The following MYO3A variants were observed in gnomAD, a reference collection of about 807,000 sequenced individuals.
The protein encoded by MYO3A is myosin-IIIa.
In MYO3A, 180 loss-of-function variants were observed where a neutral mutation model predicts 192.7. The ratio of observed to expected loss-of-function variants is 0.93; its 90% confidence interval spans 0.83 to 1.06. The LOEUF (loss-of-function observed/expected upper bound fraction) is 1.06, where lower values mean the gene tolerates loss of function less well. Among genes scored for constraint, MYO3A ranks in the 50% least tolerant of loss-of-function variants. The probability of loss-of-function intolerance (pLI) is 0.00; values close to 1 mark genes in which losing one functional copy is unlikely to be tolerated. For synonymous variants in MYO3A, 628 were observed against 645.3 expected, an observed-to-expected ratio of 0.97 and a Z score of 0.41; for missense variants, 1,896 against 1,905.0, an observed-to-expected ratio of 1.00 and a Z score of 0.09.
At chr10:25,986,921 AG>A (rs1839688392) in intron 4 of MYO3A, among the ~76,000 whole-genome samples, 1 of 152,222 alleles carries the variant, frequency 6.6e-6, no homozygotes, top group Non-Finnish European at 1.5e-5. Flanking sequence ...CTAAGCAAAA[AG>A]AATAAATCTG....
chr10:25,961,481 T>G (rs1005760982), intron 4 of MYO3A, among the ~76,000 whole-genome samples: 3 of 152,110 alleles, frequency 2.0e-5, no homozygotes, highest in African/African-American at 7.2e-5. Flanking sequence ...AATGAATCAG[T>G]AGAGTCGCTA....
intron 20 of MYO3A, among the ~76,000 whole-genome samples, chr10:26,131,001 A>G (rs776163442): frequency 3.3e-5 from 5 of 152,242 alleles, no homozygotes; most frequent in Non-Finnish European, 7.3e-5. Context: ...TCCTTAGTTT[A>G]ATAGAGCCAT....
In MYO3A at chr10:26,143,512, T is replaced by TG. The variant is rs762948753; in HGVS notation, c.2327_2328insG (p.Asp777ArgfsTer15). ...GAATATGAGGATAACTGGCCCCTCT[T>TG]AGATATGTTTCTGCAAAAGCCAATG... On this transcript the variant is annotated frameshift_variant, in exon 21 of 35. Coordinates refer to ENST00000642920, the MANE Select transcript of MYO3A (RefSeq NM_017433.5). LOFTEE classifies it high-confidence loss of function. 6.2e-7 allele frequency: 1 copy of TG among 1,613,780 alleles called. No individual in the cohort carries two copies. The highest frequency in any genetic ancestry group is 8.5e-7 in the Non-Finnish European group (1 of 1,179,724).
intron 6 of MYO3A, among the ~76,000 whole-genome samples, chr10:26,013,322 AACG>A (rs1841790288): frequency 7.6e-6 from 1 of 132,196 alleles, no homozygotes; most frequent in Non-Finnish European, 1.8e-5. Flanking sequence ...ATAAATAATC[AACG>A]GAATAAACAG....
At chr10:26,017,364 T>G (rs958307208) in intron 7 of MYO3A, among the ~76,000 whole-genome samples, 1 of 152,230 alleles carries the variant, frequency 6.6e-6, no homozygotes, top group Non-Finnish European at 1.5e-5. Flanking sequence ...ATCATTACCT[T>G]TGGGAGGTTG....
In MYO3A at chr10:26,209,109, G is replaced by A. The variant is rs1258547019; in HGVS notation, c.4731-2734G>A. On this transcript the variant is annotated intron_variant, in intron 34 of 34. Transcript: ENST00000642920. ...CAGCTGACAACCTTCTTTTATAACA[G>A]TAGCAGATAACAGACACATGCTGAA... Among the ~76,000 whole-genome samples the A allele has an allele frequency of 2.6e-5, 4 of 152,130 alleles. No homozygotes were observed. In the South Asian group the frequency reaches 6.2e-4, roughly 24 times the overall value.
At chr10:26,119,743 G>GTGTC (rs1838736703) in intron 17 of MYO3A, among the ~76,000 whole-genome samples, 1 of 152,132 alleles carries the variant, frequency 6.6e-6, no homozygotes, top group African/African-American at 2.4e-5. Context: ...AATGCCTCCA[G>GTGTC]TGTCTCCAAA....
At chr10:26,211,753 G>C in intron 34 of MYO3A, 90 bp from the exon 35 acceptor site, 1 of 1,582,416 alleles carries the variant, frequency 6.3e-7, no homozygotes, top group Non-Finnish European at 8.6e-7. Flanking sequence ...CAGAACGTGG[G>C]AGGAAGAGGA....
intron 31 of MYO3A, among the ~76,000 whole-genome samples, chr10:26,182,237 T>A (rs934614604): frequency 2.6e-5 from 4 of 152,230 alleles, no homozygotes; most frequent in South Asian, 2.1e-4. Context: ...TGAATAATAT[T>A]ATTGCAACCT....
chr10:26,186,124 C>T (rs1842854179), intron 31 of MYO3A, among the ~76,000 whole-genome samples: 1 of 152,122 alleles, frequency 6.6e-6, no homozygotes, highest in Non-Finnish European at 1.5e-5. Flanking sequence ...TGGGACAAAT[C>T]CCCAGTGATG....
At chr10:26,094,826 C>T (rs766588497) in intron 15 of MYO3A, among the ~76,000 whole-genome samples, 61 of 152,148 alleles carry the variant, frequency 4.0e-4, no homozygotes, top group Non-Finnish European at 2.2e-4. Context: ...TTTTTAAATC[C>T]TTTCTTACCT....
intron 2 of MYO3A, among the ~76,000 whole-genome samples, chr10:25,937,650 T>C (rs1331092586): frequency 1.3e-5 from 2 of 152,230 alleles, no homozygotes; most frequent in Non-Finnish European, 2.9e-5. Flanking sequence ...TGGAGATTTT[T>C]TTTAAAGGAA....
chr10:26,034,761 G>A (rs952465075), intron 10 of MYO3A, among the ~76,000 whole-genome samples: 1 of 151,572 alleles, frequency 6.6e-6, no homozygotes, highest in Admixed American at 6.6e-5. Context: ...AAAGGATGAT[G>A]GATTTGCTTC....
chr10:25,963,670 T>C (rs1193513954), intron 4 of MYO3A, among the ~76,000 whole-genome samples: 1 of 152,168 alleles, frequency 6.6e-6, no homozygotes, highest in Non-Finnish European at 1.5e-5. Flanking sequence ...GTGTGATTCC[T>C]TTCATGTTCT....
intron 10 of MYO3A, among the ~76,000 whole-genome samples, chr10:26,054,125 T>C (rs1844178477): frequency 1.4e-5 from 2 of 148,128 alleles, no homozygotes; most frequent in African/African-American, 4.9e-5. Context: ...GATCAGATTA[T>C]AAGAGACCTT....
At chr10:25,959,545 G>A (rs1404742376) in intron 4 of MYO3A, among the ~76,000 whole-genome samples, 1 of 151,946 alleles carries the variant, frequency 6.6e-6, no homozygotes, top group East Asian at 1.9e-4. Context: ...TTACACTTTT[G>A]GAGCGCTTCA....
intron 15 of MYO3A, among the ~76,000 whole-genome samples, chr10:26,092,888 C>A (rs1417584167): frequency 3.9e-5 from 6 of 152,160 alleles, no homozygotes; most frequent in Non-Finnish European, 1.5e-5. Flanking sequence ...TGGTTCGTGA[C>A]CCCGGGTAAG....
At chr10:25,974,304 G>A (rs1838845893) in intron 4 of MYO3A, among the ~76,000 whole-genome samples, 1 of 152,124 alleles carries the variant, frequency 6.6e-6, no homozygotes. Flanking sequence ...TTTTTAAAAG[G>A]TATAAATTCA....
At chr10:25,943,125 G>T (rs1836608662) in intron 2 of MYO3A, among the ~76,000 whole-genome samples, 1 of 151,798 alleles carries the variant, frequency 6.6e-6, no homozygotes, top group South Asian at 2.1e-4. Flanking sequence ...TTTTATATAT[G>T]ATCTAACAGT....
Sources: allele counts gnomAD v4.1 joint callset (sites outside exome capture counted in the v4.1 genomes callset), GRCh38; gene constraint gnomAD v4.1.1; transcripts MANE v1.5; gene names NCBI Gene and HGNC (gene_info 2026-07-23, HGNC 2026-07-21).